Variants in FBXL17 observed in about 807,000 individuals in gnomAD.
The protein encoded by FBXL17 is F-box and leucine rich repeat protein 17.
FBXL17 carries 22 observed loss-of-function variants against 66.2 expected under a neutral mutation model. That is an observed-to-expected ratio of 0.33 (90% CI 0.24 to 0.47). FBXL17 has a LOEUF of 0.47. Among genes scored for constraint, FBXL17 ranks in the 20% least tolerant of loss-of-function variants. The pLI, the probability that FBXL17 is intolerant of heterozygous loss-of-function variation, is 1.00. For synonymous variants in FBXL17, 474 were observed against 400.5 expected, an observed-to-expected ratio of 1.18 and a Z score of -2.19; for missense variants, 878 against 948.2, an observed-to-expected ratio of 0.93 and a Z score of 0.97.
intron 4 of FBXL17, among the ~76,000 whole-genome samples, chr5:108,260,843 T>C (rs1310405879): frequency 3.3e-5 from 5 of 152,160 alleles, no homozygotes; most frequent in Non-Finnish European, 7.4e-5. Context: ...CTATAGTCAT[T>C]TCACCAATAT....
In FBXL17 at chr5:108,009,308, T is replaced by TATATATATATATACACAC; in HGVS notation, c.1822+11616_1822+11617insGTGTGTATATATATATAT. ...ATATATATATATATATATACATATA[T>TATATATATATATACACAC]ACATACACATATAGTTTTGCTTTTG... On this transcript the variant is annotated intron_variant, in intron 7 of 8. Transcript: ENST00000542267. 9.2e-4 allele frequency among the ~76,000 whole-genome samples: 39 copies of TATATATATATATACACAC among 42,210 alleles called. 2 individuals are homozygous for TATATATATATATACACAC. Among genetic ancestry groups the TATATATATATATACACAC allele is most frequent in the African/African-American group, 2.3e-3 (26 of 11,328 alleles). The allele number at this position is 42,210 out of a possible 152,430, so 27.7% of individuals were successfully genotyped here.
intron 7 of FBXL17, among the ~76,000 whole-genome samples, chr5:107,927,105 A>G (rs768519363): frequency 6.6e-6 from 1 of 152,170 alleles, no homozygotes; most frequent in South Asian, 2.1e-4. Flanking sequence ...CTAAAGTCCT[A>G]TGACTTTTAA....
intron 7 of FBXL17, among the ~76,000 whole-genome samples, chr5:107,903,139 G>A (rs1381007074): frequency 4.6e-5 from 7 of 151,924 alleles, no homozygotes; most frequent in Non-Finnish European, 8.8e-5. Flanking sequence ...AAAAGACTTC[G>A]GCAACATAAC....
intron 6 of FBXL17, among the ~76,000 whole-genome samples, chr5:108,105,536 T>C (rs1050406617): frequency 1.6e-4 from 25 of 152,334 alleles, no homozygotes; most frequent in African/African-American, 5.1e-4. Context: ...TTTCTTTGGA[T>C]ACATACTCAA....
intron 7 of FBXL17, among the ~76,000 whole-genome samples, chr5:107,910,384 G>A (rs773276607): frequency 3.3e-5 from 5 of 151,960 alleles, no homozygotes; most frequent in Non-Finnish European, 7.4e-5. Flanking sequence ...TCTTCAAAAC[G>A]ACAAAATGAG....
At position 108,304,854 on chromosome 5, in the gene FBXL17, A is replaced by G. The variant is rs549112989; in HGVS notation, c.1506+43545T>C. Among the ~76,000 whole-genome samples the G allele has an allele frequency of 2.6e-5, 4 of 152,102 alleles. No individual in the cohort carries two copies. In the East Asian group the frequency reaches 7.7e-4, roughly 29 times the overall value. ...TATTTCCCTACCTACGGAAAGGAAG[A>G]CCTCTTCCTTGTCCTTCTCTATAAT... On this transcript the variant is annotated intron_variant, in intron 4 of 8. Coordinates refer to ENST00000542267, the MANE Select transcript of FBXL17 (RefSeq NM_001163315.3).
In FBXL17 at chr5:107,943,629, C is replaced by T. The variant is rs563558578; in HGVS notation, c.1823-62450G>A. Among the ~76,000 whole-genome samples the T allele has an allele frequency of 7.9e-5, 12 of 151,842 alleles. No homozygotes were observed. In the South Asian group the frequency reaches 2.5e-3, roughly 32 times the overall value. ...CAACGCATCTTCACTCCAAGCTATC[C>T]TCTACTCCACTGGTCAAATAATGAT... On this transcript the variant is annotated intron_variant, in intron 7 of 8. Transcript: ENST00000542267.
chr5:108,311,409 T>G (rs947464201), intron 4 of FBXL17, among the ~76,000 whole-genome samples: 1 of 152,114 alleles, frequency 6.6e-6, no homozygotes, highest in Non-Finnish European at 1.5e-5. Context: ...TGACCTCAGG[T>G]GATCCACCCA....
chr5:108,299,080 C>G, intron 4 of FBXL17: 1 of 975,206 alleles, frequency 1.0e-6, no homozygotes, highest in African/African-American at 1.8e-5. Flanking sequence ...CAAATGTTTA[C>G]TGCTATTTTA....
At chr5:108,176,583 T>C (rs1003169594) in intron 6 of FBXL17, among the ~76,000 whole-genome samples, 2 of 152,068 alleles carry the variant, frequency 1.3e-5, no homozygotes, top group Non-Finnish European at 2.9e-5. Flanking sequence ...TAAGCCAAAA[T>C]CACCCACATC....
intron 4 of FBXL17, among the ~76,000 whole-genome samples, chr5:108,292,642 A>G (rs1758161640): frequency 6.6e-6 from 1 of 152,210 alleles, no homozygotes; most frequent in African/African-American, 2.4e-5. Context: ...ACTCCCAAGA[A>G]GACTTAAGCA....
intron 6 of FBXL17, among the ~76,000 whole-genome samples, chr5:108,139,271 G>A (rs1162208507): frequency 3.3e-5 from 5 of 152,192 alleles, no homozygotes; most frequent in Admixed American, 3.3e-4. Context: ...AAAACAAGTT[G>A]TGTCCATTTA....
At chr5:107,869,631 T>A (rs906410671) in intron 8 of FBXL17, among the ~76,000 whole-genome samples, 10 of 151,854 alleles carry the variant, frequency 6.6e-5, no homozygotes, top group African/African-American at 2.2e-4. Flanking sequence ...TATAATTCTA[T>A]CTCTCTCCCT....
intron 4 of FBXL17, among the ~76,000 whole-genome samples, chr5:108,320,119 A>T (rs1379843303): frequency 1.3e-5 from 2 of 151,712 alleles, no homozygotes; most frequent in Non-Finnish European, 2.9e-5. Flanking sequence ...CCACTCTAAA[A>T]TTATCATGTT....
chr5:108,034,130 G>A (rs1359244895), intron 6 of FBXL17, among the ~76,000 whole-genome samples: 3 of 152,034 alleles, frequency 2.0e-5, no homozygotes, highest in African/African-American at 7.2e-5. Flanking sequence ...TTTATTCCAA[G>A]CAACCTACAT....
intron 6 of FBXL17, among the ~76,000 whole-genome samples, chr5:108,054,158 G>A (rs529733932): frequency 6.6e-6 from 1 of 151,866 alleles, no homozygotes; most frequent in South Asian, 2.1e-4. Context: ...GACAATAGGT[G>A]CAGCAAACCA....
intron 7 of FBXL17, among the ~76,000 whole-genome samples, chr5:107,993,662 T>C (rs1323364440): frequency 6.6e-6 from 1 of 152,200 alleles, no homozygotes; most frequent in Non-Finnish European, 1.5e-5. Flanking sequence ...TTTCCTACTG[T>C]TTTCCATTTT....
intron 7 of FBXL17, among the ~76,000 whole-genome samples, chr5:107,977,699 T>A (rs1280269713): frequency 6.6e-6 from 1 of 152,202 alleles, no homozygotes; most frequent in Non-Finnish European, 1.5e-5. Context: ...TACATGAACA[T>A]ACATAATGTA....
intron 5 of FBXL17, among the ~76,000 whole-genome samples, chr5:108,202,442 T>C (rs1017330690): frequency 4.6e-5 from 7 of 152,168 alleles, no homozygotes; most frequent in African/African-American, 1.7e-4. Context: ...TATGTAGATG[T>C]TGTCTATACT....
Sources: gnomAD v4.1 joint callset for allele counts (sites outside exome capture counted in the v4.1 genomes callset) on GRCh38, gnomAD v4.1.1 for gene constraint, MANE v1.5 for transcripts, NCBI Gene and HGNC (gene_info 2026-07-23, HGNC 2026-07-21) for gene names.